UBR4: variants seen among roughly 807,000 people sequenced by gnomAD.
UBR4 encodes the protein ubiquitin protein ligase E3 component n-recognin 4.
Under a neutral mutation model 575.6 loss-of-function variants are expected in UBR4, and 124 were observed. That is an observed-to-expected ratio of 0.22 (90% confidence interval 0.19 to 0.25). The LOEUF is 0.25. Among genes scored for constraint, UBR4 ranks in the 10% least tolerant of loss-of-function variants. UBR4 has a pLI of 1.00. For missense variants in UBR4, 4,818 were observed against 6,478.8 expected, an observed-to-expected ratio of 0.74 and a Z score of 8.80; for synonymous variants, 2,455 against 2,473.7, an observed-to-expected ratio of 0.99 and a Z score of 0.22.
In UBR4 at chr1:19,164,276, A is replaced by G. The variant is rs746737118; in HGVS notation, c.4677T>C (p.Ala1559=). ...ACCATCTGCTCAGCCAATCCACAGC[A>G]GCATTATGAAGCTGAAGGTGACCAG... ...QGAGHLQLHN[A]AVDWLSRCKK... is the part of the protein sequence containing the mutation. The change falls in exon 33 of 106, where the codon GCT becomes GCC. Residue 1559 remains alanine (A), a synonymous_variant. Transcript: ENST00000375254. The G allele has an allele frequency of 7.4e-6, 12 of 1,613,938 alleles. No homozygotes were observed. The East Asian group carries it at 2.7e-4, about 36-fold the overall frequency.
chr1:19,143,255 GAAGGAAGA>G (rs1275168047), intron 55 of UBR4, among the ~76,000 whole-genome samples: 2,362 of 100,766 alleles, frequency 0.023, 13 homozygotes, highest in Admixed American at 0.028. Context: ...AGGAAGGAAG[GAAGGAAGA>G]AAGAAAGAAA....
intron 58 of UBR4, among the ~76,000 whole-genome samples, chr1:19,140,262 A>T (rs891250050): frequency 6.6e-6 from 1 of 152,080 alleles, no homozygotes; most frequent in African/African-American, 2.4e-5. Flanking sequence ...AATAAAGAGA[A>T]GATGAGTTCT....
In UBR4 at chr1:19,144,058, G is replaced by C; in HGVS notation, c.8101C>G (p.Leu2701Val). The C allele has an allele frequency of 6.2e-7, 1 of 1,614,032 alleles. No homozygotes were observed. Among genetic ancestry groups the C allele is most frequent in the Non-Finnish European group, 8.5e-7 (1 of 1,179,914 alleles). ...PAVSFSCKQALIRVLRPRNKR... is the reference protein window; with the variant it reads ...PAVSFSCKQAVIRVLRPRNKR... ...TTCCTGGGCCTTAGGACTCGAATTA[G>C]AGCTTGTTTACAAGAGAAGCTCACA... Residue 2701 changes from leucine to valine, a missense_variant, in exon 55 of 106, where the codon CTA (leucine) becomes GTA (valine). Around this residue, in one of 29 missense-constraint regions of UBR4, gnomAD observed 340 missense variants for 375.4 expected, o/e 0.91. Transcript: ENST00000375254.
intron 70 of UBR4, 60 bp downstream of exon 70, chr1:19,119,497 T>TC: frequency 3.2e-6 from 5 of 1,579,158 alleles, no homozygotes; most frequent in Non-Finnish European, 4.3e-6. Context: ...TATTCTTAAC[T>TC]CAAGAGAAAA....
At chr1:19,103,949 A>T in intron 87 of UBR4, 135 bp downstream of exon 87, 1 of 1,011,762 alleles carries the variant, frequency 9.9e-7, no homozygotes, top group Non-Finnish European at 1.4e-6. Context: ...TCAAGAAATG[A>T]GTCTCCCTTT....
At position 19,144,074 on chromosome 1, in the gene UBR4, G is replaced by A. The variant is rs1408398048; in HGVS notation, c.8085C>T (p.Phe2695=). 6.2e-7 allele frequency: 1 copy of A among 1,614,008 alleles called. No individual in the cohort carries two copies. Among genetic ancestry groups the A allele is most frequent in the Non-Finnish European group, 8.5e-7 (1 of 1,179,894 alleles). The change falls in exon 55 of 106, where the codon TTC becomes TTT. Residue 2695 remains phenylalanine, a synonymous_variant. Coordinates refer to ENST00000375254, the MANE Select transcript of UBR4 (RefSeq NM_020765.3). ...MLLCPDPAVS[F]SCKQALIRVL... ...CTCGAATTAGAGCTTGTTTACAAGA[G>A]AAGCTCACAGCAGGATCCTGAGGTT...
chr1:19,182,713 A>T lies in UBR4; in HGVS notation c.2184+1098T>A, dbSNP rs146541451. ...TGGTTTTGAGTCACAAACATAATGG[A>T]ATATCATACAGTAGTCCAAACAAGA... is the stretch of plus-strand genomic sequence containing the variant. On this transcript the variant is annotated intron_variant, in intron 17 of 105. Coordinates refer to ENST00000375254, the MANE Select transcript of UBR4 (RefSeq NM_020765.3). Among the ~76,000 whole-genome samples the T allele has an allele frequency of 4.8e-4, 73 of 152,290 alleles. No individual in the cohort carries two copies. In the East Asian group the frequency reaches 0.014, roughly 29 times the overall value.
At chr1:19,164,684 G>T in intron 32 of UBR4, 115 bp downstream of exon 32, 1 of 1,356,520 alleles carries the variant, frequency 7.4e-7, no homozygotes, top group Non-Finnish European at 1.0e-6. Context: ...CTAGAGAGAG[G>T]TAGATACAAA....
At position 19,128,971 on chromosome 1, in the gene UBR4, G is replaced by C; in HGVS notation, c.9003+7C>G. 2 of 1,613,358 alleles carry C rather than the reference G, an allele frequency of 1.2e-6. No individual in the cohort carries two copies. The highest frequency in any genetic ancestry group is 1.7e-6 in the Non-Finnish European group (2 of 1,179,314). ...CCTGACAGAGATCCAGGTGAGCTAA[G>C]AGATACCTGCATGTATGGGATGGCC... On this transcript the variant is annotated splice_region_variant and intron_variant, in intron 61 of 105. Transcript: ENST00000375254.
rs758402829 is a variant in UBR4, at chr1:19,169,512, A to C, written c.3664T>G (p.Leu1222Val). 2 of 1,613,800 alleles carry C rather than the reference A, an allele frequency of 1.2e-6. No individual in the cohort carries two copies. Among genetic ancestry groups the C allele is most frequent in the Admixed American group, 1.7e-5 (1 of 59,908 alleles). The change falls in exon 27 of 106, where the codon TTG becomes GTG. Residue 1222 changes from leucine (L) to valine (V), a missense_variant. Leu to Val is a conservative substitution (Grantham distance 32, BLOSUM62 1). Around this residue, in one of 29 missense-constraint regions of UBR4, gnomAD observed 1,172 missense variants for 1,259.7 expected, o/e 0.93. Transcript: ENST00000375254. ...NTLGPTLVQN[L>V]PSSVQTVCES... ...CACACAGTCTGCACTGACGATGGCA[A>C]ATTCTGAACCAGTGTCGGACCTGGA...
chr1:19,192,450 A>G (rs958236106), intron 10 of UBR4, 31 bp downstream of exon 10: 1 of 1,614,220 alleles, frequency 6.2e-7, no homozygotes, highest in Non-Finnish European at 8.5e-7. Context: ...CAAGATAGGA[A>G]GTATGCAGCA....
rs532939003 is a variant in UBR4 at position 19,128,247 on chromosome 1, G to A, written c.9075C>T (p.Leu3025=). ...TACCCAACTCAGCAATAAGCTGGGA[G>A]AGCAGGTTGTCTAGGGCCCCCTTGT... The part of the protein sequence containing the change: ...EKDKGALDNL[L]SQLIAELGMD... The change falls in exon 62 of 106, where the codon CTC becomes CTT. Residue 3025 remains leucine (L), a synonymous_variant. Coordinates refer to ENST00000375254, the MANE Select transcript of UBR4 (RefSeq NM_020765.3). The A allele has an allele frequency of 3.1e-6, 5 of 1,614,098 alleles. No individual in the cohort carries two copies. Among genetic ancestry groups the A allele is most frequent in the Non-Finnish European group, 3.4e-6 (4 of 1,179,984 alleles).
At chr1:19,084,379 C>T in intron 102 of UBR4, 125 bp downstream of exon 102, 1 of 993,078 alleles carries the variant, frequency 1.0e-6, no homozygotes, top group Non-Finnish European at 1.4e-6. Context: ...GGCAAAAAGG[C>T]TGCCTTAGGC....
intron 60 of UBR4, among the ~76,000 whole-genome samples, chr1:19,133,125 G>A (rs1383053013): frequency 6.6e-6 from 1 of 152,086 alleles, no homozygotes; most frequent in African/African-American, 2.4e-5. Flanking sequence ...AGAATAATGT[G>A]AATACCAATC....
At chr1:19,105,882 A>G in intron 83 of UBR4, 40 bp from the exon 84 acceptor site, 4 of 1,468,366 alleles carry the variant, frequency 2.7e-6, no homozygotes, top group Non-Finnish European at 3.6e-6. Context: ...GACTCAGAGG[A>G]TGCCCTGCCT....
intron 104 of UBR4, 24 bp downstream of exon 104, chr1:19,077,952 C>A (rs753369852): frequency 3.0e-5 from 48 of 1,613,692 alleles, no homozygotes; most frequent in Middle Eastern, 1.6e-4. Context: ...CCAAAACCCA[C>A]TGGGCCTCTG....
At chr1:19,119,019 CTT>C in intron 70 of UBR4, 62 bp from the exon 71 acceptor site, 1 of 1,513,808 alleles carries the variant, frequency 6.6e-7, no homozygotes. Context: ...TTGGAAAAGA[CTT>C]TTGTCTTCTG....
chr1:19,155,588 G>C lies in UBR4; in HGVS notation c.6153C>G (p.Phe2051Leu), dbSNP rs746542186. 1 of 1,614,152 alleles carries C rather than the reference G, an allele frequency of 6.2e-7. No homozygotes were observed. The highest frequency in any genetic ancestry group is 8.5e-7 in the Non-Finnish European group (1 of 1,180,020). The part of the protein sequence containing the change: ...LPSSKIRDVT[F>L]LFNEEGKNII... ...TGTTCTTTCCCTCCTCATTGAAAAGGAAGGTAACATCTCTTATCTTTGAGC... is the reference window on the plus strand; with the variant it reads ...TGTTCTTTCCCTCCTCATTGAAAAGCAAGGTAACATCTCTTATCTTTGAGC... The change falls in exon 43 of 106, where the codon TTC becomes TTG. Residue 2051 changes from phenylalanine (F) to leucine (L), a missense_variant. This residue lies in a region of UBR4 where 461 missense variants were observed against 606.9 expected (regional missense o/e 0.76). Transcript: ENST00000375254.
chr1:19,097,405 A>G, intron 90 of UBR4, 125 bp from the exon 91 acceptor site: 1 of 657,898 alleles, frequency 1.5e-6, no homozygotes, highest in Non-Finnish European at 2.5e-6. Context: ...CAAAGTCTCA[A>G]CCACAACATC....
Sources: gnomAD v4.1 joint callset for allele counts (sites outside exome capture counted in the v4.1 genomes callset) on GRCh38, gnomAD v4.1.1 for gene constraint, gnomAD v4.1.1 regional missense constraint, MANE v1.5 for transcripts, NCBI Gene and HGNC (gene_info 2026-07-23, HGNC 2026-07-21) for gene names.